Variants in PHF14 observed in about 807,000 individuals in gnomAD.
PHF14 encodes PHD finger protein 14.
In PHF14, 55 loss-of-function variants were observed where a neutral mutation model predicts 117.9. The ratio of observed to expected loss-of-function variants is 0.47; its 90% CI spans 0.38 to 0.58. The LOEUF (loss-of-function observed/expected upper bound fraction) is 0.58, where lower values mean the gene tolerates loss of function less well. Ranked by LOEUF, PHF14 falls within the 20% of genes least tolerant of loss-of-function variation. PHF14 has a pLI of 0.00. For synonymous variants in PHF14, 409 were observed against 368.6 expected (o/e 1.11, Z -1.26); for missense variants, 978 against 1,122.2 (o/e 0.87, Z 1.84).
At chr7:11,102,525 C>T (rs1443230006) in intron 16 of PHF14, 7 of 1,611,224 alleles carry the variant, frequency 4.3e-6, no homozygotes, top group Non-Finnish European at 5.9e-6. Flanking sequence ...AGCTCATCCT[C>T]GGAGGCAATC....
At chr7:10,997,555 G>A (rs777941513) in intron 4 of PHF14, among the ~76,000 whole-genome samples, 9 of 152,236 alleles carry the variant, frequency 5.9e-5, no homozygotes, top group Admixed American at 6.5e-5. Flanking sequence ...GGAGCAGTTG[G>A]TTGGGTTGTT....
intron 14 of PHF14, among the ~76,000 whole-genome samples, chr7:11,061,111 G>T (rs1785208307): frequency 6.6e-6 from 1 of 152,170 alleles, no homozygotes; most frequent in Admixed American, 6.5e-5. Flanking sequence ...TGCTGTGATT[G>T]GTGGATATTT....
intron 16 of PHF14, chr7:11,105,227 C>T (rs571337206): frequency 3.1e-6 from 3 of 957,384 alleles, no homozygotes; most frequent in South Asian, 4.8e-5. Flanking sequence ...TATATTTATG[C>T]ATTGTTTATA....
chr7:10,994,433 C>T (rs895599683), intron 4 of PHF14, among the ~76,000 whole-genome samples: 10 of 151,390 alleles, frequency 6.6e-5, no homozygotes, highest in East Asian at 1.9e-4. Context: ...AGTGAGACTC[C>T]GTCTCAAAAA....
chr7:11,105,098 C>T (rs1010328651), intron 16 of PHF14: 5 of 958,414 alleles, frequency 5.2e-6, no homozygotes, highest in Non-Finnish European at 5.0e-6. Context: ...AATCAATAAA[C>T]ATAGCCTGTG....
chr7:11,072,166 A>G (rs1175934712), intron 16 of PHF14, among the ~76,000 whole-genome samples: 5 of 152,172 alleles, frequency 3.3e-5, no homozygotes, highest in African/African-American at 1.2e-4. Context: ...GGGAGGCCTC[A>G]GGAAACTTCT....
chr7:11,011,558 G>A lies in PHF14; in HGVS notation c.1046-2189G>A, dbSNP rs570559028. On this transcript the variant is annotated intron_variant, in intron 4 of 17. Transcript: ENST00000634607. Reference sequence around the variant, plus strand: ...CCTCTTAGAATAAACCTGGTCAAAAGGATGTTGGGATGGTTGCTATTTTAT... The same window carrying A: ...CCTCTTAGAATAAACCTGGTCAAAAAGATGTTGGGATGGTTGCTATTTTAT... 6.0e-4 allele frequency among the ~76,000 whole-genome samples: 92 copies of A among 152,296 alleles called. 1 individual carries two copies. Among genetic ancestry groups the A allele is most frequent in the African/African-American group, 2.0e-3 (84 of 41,560 alleles).
chr7:11,145,116 A>G (rs1226433433), intron 17 of PHF14, among the ~76,000 whole-genome samples: 2 of 151,868 alleles, frequency 1.3e-5, no homozygotes, highest in African/African-American at 2.4e-5. Flanking sequence ...TCTATTTTAT[A>G]CCACAATTAT....
chr7:11,090,051 G>T (rs774072166), intron 16 of PHF14, among the ~76,000 whole-genome samples: 1 of 152,174 alleles, frequency 6.6e-6, no homozygotes, highest in African/African-American at 2.4e-5. Flanking sequence ...GATTACAGGC[G>T]TGAGCCACCT....
At chr7:11,004,990 C>T (rs1011332970) in intron 4 of PHF14, among the ~76,000 whole-genome samples, 19 of 151,746 alleles carry the variant, frequency 1.3e-4, no homozygotes, top group African/African-American at 4.6e-4. Context: ...GCACTCCAGC[C>T]TGGGCAATAG....
intron 16 of PHF14, among the ~76,000 whole-genome samples, chr7:11,075,851 G>T (rs922879574): frequency 2.6e-5 from 4 of 152,130 alleles, no homozygotes; most frequent in African/African-American, 9.7e-5. Context: ...GCATAGCTAG[G>T]CTGGGCGCGG....
intron 16 of PHF14, among the ~76,000 whole-genome samples, chr7:11,090,680 T>C (rs1786608689): frequency 6.6e-6 from 1 of 152,236 alleles, no homozygotes; most frequent in Non-Finnish European, 1.5e-5. Flanking sequence ...CCTGTGTTTG[T>C]TTCTTCTCAC....
At chr7:11,131,801 G>T (rs983895628) in intron 17 of PHF14, among the ~76,000 whole-genome samples, 1 of 151,736 alleles carries the variant, frequency 6.6e-6, no homozygotes, top group Non-Finnish European at 1.5e-5. Flanking sequence ...TTTGTGAAAG[G>T]TGTTAGACCT....
chr7:11,056,439 A>G (rs1035695553), intron 14 of PHF14, among the ~76,000 whole-genome samples: 9 of 152,148 alleles, frequency 5.9e-5, no homozygotes, highest in African/African-American at 1.9e-4. Context: ...ATTGGTTATG[A>G]TTTTCTTTTT....
intron 5 of PHF14, chr7:11,014,777 A>G (rs1266447927): frequency 1.3e-5 from 2 of 152,176 alleles, no homozygotes; most frequent in African/African-American, 2.4e-5. Context: ...AGCATGCGTG[A>G]GAGGCAATTA....
At chr7:11,164,157 T>C (rs570049836) in intron 17 of PHF14, among the ~76,000 whole-genome samples, 1 of 152,338 alleles carries the variant, frequency 6.6e-6, no homozygotes, top group African/African-American at 2.4e-5. Context: ...CCCTTCATTT[T>C]ACTGTTGTAC....
In PHF14 at chr7:11,104,625, A is replaced by T. The variant is rs1787197000; in HGVS notation, c.2655-6725A>T. 6.1e-6 allele frequency: 6 copies of T among 983,242 alleles called. No individual in the cohort carries two copies. The South Asian group carries it at 2.8e-4, about 46-fold the overall frequency. 60.9% of individuals were successfully genotyped at this position (983,242 alleles called of 1,614,324 possible). On this transcript the variant is annotated intron_variant, in intron 16 of 17. Coordinates refer to ENST00000634607, the MANE Select transcript of PHF14 (RefSeq NM_001007157.2). Reference sequence around the variant, plus strand: ...AGGAAGGAGATGAAATGTCTCTGAAATACAGGAAGAATGACATAATAGCAA... The same window carrying T: ...AGGAAGGAGATGAAATGTCTCTGAATTACAGGAAGAATGACATAATAGCAA...
chr7:11,003,697 C>A (rs1402470316), intron 4 of PHF14, among the ~76,000 whole-genome samples: 1 of 152,070 alleles, frequency 6.6e-6, no homozygotes, highest in Non-Finnish European at 1.5e-5. Context: ...TAACATGAAT[C>A]CCATACACAG....
chr7:11,164,940 T>C lies in PHF14; in HGVS notation c.2773-4476T>C, dbSNP rs187419685. On this transcript the variant is annotated intron_variant, in intron 17 of 17. Transcript: ENST00000634607. The stretch of plus-strand genomic sequence containing the variant: ...TTCATAACCTTGACATTCTTTTTTT[T>C]TTGAGACGGAGTCTCGCTCAATTGC... 1.1e-3 allele frequency among the ~76,000 whole-genome samples: 165 copies of C among 152,340 alleles called. 2 individuals carry two copies. The East Asian group carries it at 0.02, about 18-fold the overall frequency.
Sources: gnomAD v4.1 joint callset for allele counts (sites outside exome capture counted in the v4.1 genomes callset) on GRCh38, gnomAD v4.1.1 for gene constraint, MANE v1.5 for transcripts, NCBI Gene and HGNC (gene_info 2026-07-23, HGNC 2026-07-21) for gene names.